GCNT2: variants seen among roughly 807,000 people sequenced by gnomAD.
GCNT2 encodes glucosaminyl (N-acetyl) transferase 2 (I blood group).
GCNT2 carries 34 observed loss-of-function variants against 34.2 expected under a neutral mutation model. The ratio of observed to expected loss-of-function variants is 1.00; its 90% CI spans 0.76 to 1.32. The LOEUF is 1.32. Ranked by LOEUF, GCNT2 falls within the 40% of genes most tolerant of loss-of-function variation. The probability of loss-of-function intolerance (pLI) is 0.00; values close to 1 mark genes in which losing one functional copy is unlikely to be tolerated. For missense variants in GCNT2, 584 were observed against 489.4 expected (o/e 1.19, Z -1.82); for synonymous variants, 212 against 188.0 (o/e 1.13, Z -1.04).
At chr6:10,608,569 C>T (rs997431496) in intron 3 of GCNT2, among the ~76,000 whole-genome samples, 1 of 152,144 alleles carries the variant, frequency 6.6e-6, no homozygotes, top group Non-Finnish European at 1.5e-5. Context: ...TGCAGTGGTA[C>T]ATGTCTGTAA....
chr6:10,523,928 G>C (rs1311760916), intron 1 of GCNT2, among the ~76,000 whole-genome samples: 4 of 143,122 alleles, frequency 2.8e-5, no homozygotes, highest in Non-Finnish European at 4.5e-5. Context: ...AGCCGAGATC[G>C]CGCCACTGCA....
At chr6:10,578,688 C>T (rs1358020868) in intron 3 of GCNT2, among the ~76,000 whole-genome samples, 4 of 152,034 alleles carry the variant, frequency 2.6e-5, no homozygotes, top group South Asian at 2.1e-4. Flanking sequence ...CCTCGTGATC[C>T]GCCTGCCTTG....
At position 10,609,702 on chromosome 6, in the gene GCNT2, G is replaced by A. The variant is rs73721322; in HGVS notation, c.926-11649G>A. Reference sequence around the variant, plus strand: ...GGCTGGGGCAGTCTGCTTGGTTAGTGACAGTATGAAGCAAAGGAAAGAAAT... The same window carrying A: ...GGCTGGGGCAGTCTGCTTGGTTAGTAACAGTATGAAGCAAAGGAAAGAAAT... On this transcript the variant is annotated intron_variant, in intron 3 of 4. Transcript: ENST00000495262. Among the ~76,000 whole-genome samples the A allele has an allele frequency of 2.8e-3, 422 of 152,306 alleles. 2 individuals carry two copies. Among genetic ancestry groups the A allele is most frequent in the Middle Eastern group, 0.017 (5 of 294 alleles).
intron 3 of GCNT2, among the ~76,000 whole-genome samples, chr6:10,576,943 T>C (rs1763846407): frequency 6.6e-6 from 1 of 151,766 alleles, no homozygotes; most frequent in Non-Finnish European, 1.5e-5. Flanking sequence ...AATAATAAAA[T>C]TAGCCAAGTG....
intron 3 of GCNT2, among the ~76,000 whole-genome samples, chr6:10,617,431 C>T (rs1171163875): frequency 1.3e-5 from 2 of 152,224 alleles, no homozygotes; most frequent in African/African-American, 4.8e-5. Flanking sequence ...AGGGAGCTGG[C>T]TCTGGCCTTG....
chr6:10,579,826 C>CAA (rs61490868), intron 3 of GCNT2, among the ~76,000 whole-genome samples: 3,943 of 89,658 alleles, frequency 0.044, 97 homozygotes, highest in East Asian at 0.084. Context: ...AAAAAACAAA[C>CAA]AAAAAAAAAA....
At chr6:10,521,696 A>G (rs1479369396) in intron 1 of GCNT2, 1 of 151,328 alleles carries the variant, frequency 6.6e-6, no homozygotes, top group Non-Finnish European at 1.5e-5. Flanking sequence ...ATGTTGTTTC[A>G]TTACATGATG....
chr6:10,535,189 C>CA (rs1362305722), intron 3 of GCNT2, among the ~76,000 whole-genome samples: 1 of 151,968 alleles, frequency 6.6e-6, no homozygotes, highest in Admixed American at 6.6e-5. Flanking sequence ...ATCTCAAAAA[C>CA]AAAAACAGAC....
chr6:10,596,689 C>T (rs1213221753), intron 3 of GCNT2, among the ~76,000 whole-genome samples: 1 of 151,558 alleles, frequency 6.6e-6, no homozygotes, highest in Non-Finnish European at 1.5e-5. Flanking sequence ...TTAAAGTTCC[C>T]TTGTTTTCAT....
intron 3 of GCNT2, among the ~76,000 whole-genome samples, chr6:10,570,795 C>A (rs1311711438): frequency 6.6e-6 from 1 of 152,190 alleles, no homozygotes; most frequent in African/African-American, 2.4e-5. Context: ...ATGTTTTGGG[C>A]CATGTCCTAG....
At chr6:10,573,946 A>T (rs1412475066) in intron 3 of GCNT2, among the ~76,000 whole-genome samples, 9 of 152,142 alleles carry the variant, frequency 5.9e-5, no homozygotes, top group Non-Finnish European at 1.2e-4. Context: ...CACTAAACCT[A>T]CCCTGTAAGG....
chr6:10,566,594 A>G (rs968977573), intron 3 of GCNT2, among the ~76,000 whole-genome samples: 2 of 152,202 alleles, frequency 1.3e-5, no homozygotes, highest in Admixed American at 6.5e-5. Flanking sequence ...GCGCCCAACC[A>G]TATCAGTTTT....
Position 10,534,697 on chromosome 6 carries a change from C to CA in GCNT2, c.925+4870dup, listed in dbSNP as rs201663079. Among the ~76,000 whole-genome samples, 933 of 149,648 alleles carry CA rather than the reference C, an allele frequency of 6.2e-3. 9 individuals are homozygous for CA. Among genetic ancestry groups the CA allele is most frequent in the African/African-American group, 0.021 (876 of 41,072 alleles). ...GGGTAACACAGATACCTTGTCTCTA[C>CA]AAAAAAAAATCAAAAAATAGTCAGG... On this transcript the variant is annotated intron_variant, in intron 3 of 4. Transcript: ENST00000495262.
chr6:10,574,068 A>G (rs1329662615), intron 3 of GCNT2, among the ~76,000 whole-genome samples: 2 of 152,220 alleles, frequency 1.3e-5, no homozygotes, highest in Non-Finnish European at 2.9e-5. Flanking sequence ...CTCTTTTTAT[A>G]TACTAGCCTA....
rs1766299414 is a variant in GCNT2, at chr6:10,627,259, G to A, written c.*652G>A. On this transcript the variant is annotated 3_prime_UTR_variant, in exon 5 of 5. Coordinates refer to ENST00000495262, the MANE Select transcript of GCNT2 (RefSeq NM_145649.5). ...CTGTTGCTTCAGTAAAAGGACCTCG[G>A]GGAATAAAACATTTCTCTCTTATAT... 1 of 152,502 alleles carries A rather than the reference G, an allele frequency of 6.6e-6. No homozygotes were observed. The highest frequency in any genetic ancestry group is 2.4e-5 in the African/African-American group (1 of 41,404). The allele number at this position is 152,502 out of a possible 1,614,324, so 9.4% of individuals were successfully genotyped here.
At chr6:10,538,712 A>G (rs597697) in intron 3 of GCNT2, among the ~76,000 whole-genome samples, 75,391 of 151,520 alleles carry the variant, frequency 0.5, 19,913 homozygotes, top group South Asian at 0.72. Context: ...ATTGATTTGT[A>G]TGCATTTTAT....
chr6:10,629,093 A>C lies in GCNT2; in HGVS notation c.*2486A>C, dbSNP rs988025621. The C allele has an allele frequency of 6.6e-6, 1 of 152,624 alleles. No homozygotes were observed. The highest frequency in any genetic ancestry group is 1.9e-4 in the East Asian group (1 of 5,204). The allele number at this position is 152,624 out of a possible 1,614,324, so 9.5% of individuals were successfully genotyped here. ...TGGAGTTTAAAAATTGTCTCTTTTCAACTTATTTAAATGACAGCACCTGAG... is the reference window on the plus strand; with the variant it reads ...TGGAGTTTAAAAATTGTCTCTTTTCCACTTATTTAAATGACAGCACCTGAG... On this transcript the variant is annotated 3_prime_UTR_variant, in exon 5 of 5. Coordinates refer to ENST00000495262, the MANE Select transcript of GCNT2 (RefSeq NM_145649.5).
chr6:10,525,248 A>G (rs1174902546), intron 1 of GCNT2, among the ~76,000 whole-genome samples: 1 of 152,198 alleles, frequency 6.6e-6, no homozygotes, highest in Non-Finnish European at 1.5e-5. Context: ...GAAATAAGCA[A>G]TTAGTGATTG....
rs1581396116 is a variant in GCNT2 at position 10,553,397 on chromosome 6, AAC to A, written c.925+23565_925+23566del. Among the ~76,000 whole-genome samples, 4 of 152,286 alleles carry A rather than the reference AAC, an allele frequency of 2.6e-5. 1 individual carries two copies. Among genetic ancestry groups the A allele is most frequent in the Admixed American group, 2.6e-4 (4 of 15,294 alleles). On this transcript the variant is annotated intron_variant, in intron 3 of 4. Coordinates refer to ENST00000495262, the MANE Select transcript of GCNT2 (RefSeq NM_145649.5). ...CAAACTCTCAGTGTCATCTGCCTCC[AAC>A]ACAGTTTTCCCCAGGTCTTTCGTAC...
Sources: gnomAD v4.1 joint callset for allele counts (sites outside exome capture counted in the v4.1 genomes callset) on GRCh38, gnomAD v4.1.1 for gene constraint, MANE v1.5 for transcripts, NCBI Gene and HGNC (gene_info 2026-07-23, HGNC 2026-07-21) for gene names.